Variants in DNAJB11 observed in about 807,000 individuals in gnomAD.
DNAJB11 encodes the protein DnaJ heat shock protein family (Hsp40) member B11, also known as dnaJ homolog subfamily B member 11.
DNAJB11 carries 30 observed loss-of-function variants against 47.2 expected under a neutral mutation model. The observed-to-expected ratio is 0.64, with a 90% confidence interval of 0.48 to 0.86. The LOEUF (loss-of-function observed/expected upper bound fraction) is 0.86, where lower values mean the gene tolerates loss of function less well. Among genes scored for constraint, DNAJB11 ranks in the 40% least tolerant of loss-of-function variants. DNAJB11 has a pLI of 0.00. For missense variants in DNAJB11, 357 were observed against 440.2 expected, an observed-to-expected ratio of 0.81 and a Z score of 1.69; for synonymous variants, 151 against 159.9, an observed-to-expected ratio of 0.94 and a Z score of 0.42.
At position 186,572,149 on chromosome 3, in the gene DNAJB11, T is replaced by C. The variant is rs1399189727; in HGVS notation, c.123T>C (p.Ile41=). 3 of 1,612,874 alleles carry C rather than the reference T, an allele frequency of 1.9e-6. No individual in the cohort carries two copies. Among genetic ancestry groups the C allele is most frequent in the Non-Finnish European group, 2.5e-6 (3 of 1,179,546 alleles). ...GVPRSASIKD[I]KKAYRKLALQ... The stretch of plus-strand genomic sequence containing the variant: ...CTCGAAGTGCCTCTATAAAGGATAT[T>C]AAAAAGGCCTATAGGAAACTAGCCC... The change falls in exon 2 of 10, where the codon ATT becomes ATC. Residue 41 remains isoleucine, a synonymous_variant. Transcript: ENST00000265028.
intron 1 of DNAJB11, 108 bp downstream of exon 1, chr3:186,571,073 C>G: frequency 9.6e-7 from 1 of 1,041,696 alleles, no homozygotes; most frequent in South Asian, 1.5e-5. Context: ...TGGAGAGGGG[C>G]ATCGCTGTGG....
chr3:186,582,235 C>G (rs1307060692), intron 6 of DNAJB11, among the ~76,000 whole-genome samples, 158 bp downstream of exon 6: 1 of 152,112 alleles, frequency 6.6e-6, no homozygotes, highest in African/African-American at 2.4e-5. Flanking sequence ...ATATACAAAG[C>G]CTTTTGTTTA....
chr3:186,575,896 A>C lies in DNAJB11; in HGVS notation c.282A>C (p.Leu94Phe). 4 of 1,614,060 alleles carry C rather than the reference A, an allele frequency of 2.5e-6. No individual in the cohort carries two copies. Among genetic ancestry groups the C allele is most frequent in the Non-Finnish European group, 3.4e-6 (4 of 1,179,952 alleles). ...ACGATACTTATGGTGAAGAAGGATTAAAAGATGGTCATCAGAGCTCCCATG... is the reference window on the plus strand; with the variant it reads ...ACGATACTTATGGTGAAGAAGGATTCAAAGATGGTCATCAGAGCTCCCATG... ...KQYDTYGEEGLKDGHQSSHGD... is the reference protein window; with the variant it reads ...KQYDTYGEEGFKDGHQSSHGD... Residue 94 changes from leucine to phenylalanine, a missense_variant, in exon 3 of 10, where the codon TTA (leucine) becomes TTC (phenylalanine). Physicochemically the swap from Leu to Phe is conservative, Grantham distance 22. Coordinates refer to ENST00000265028, the MANE Select transcript of DNAJB11 (RefSeq NM_016306.6).
At position 186,577,731 on chromosome 3, in the gene DNAJB11, A is replaced by G. The variant is rs202042298; in HGVS notation, c.387A>G (p.Pro129=). The G allele has an allele frequency of 4.3e-6, 7 of 1,609,724 alleles. No individual in the cohort carries two copies. ...CTCGTCAGCAAGACAGAAATATTCCAAGAGGAAGTGATATTATTGTAGATC... is the reference window on the plus strand; with the variant it reads ...CTCGTCAGCAAGACAGAAATATTCCGAGAGGAAGTGATATTATTGTAGATC... ...GTPRQQDRNI[P]RGSDIIVDLE... Residue 129 remains proline (P), a synonymous_variant, in exon 4 of 10, where the codon CCA becomes CCG. Coordinates refer to ENST00000265028, the MANE Select transcript of DNAJB11 (RefSeq NM_016306.6).
At chr3:186,582,855 T>C (rs1715532984) in intron 7 of DNAJB11, 82 bp downstream of exon 7, 1 of 995,754 alleles carries the variant, frequency 1.0e-6, no homozygotes, top group African/African-American at 1.6e-5. Context: ...TTAGACTTTT[T>C]TCTCTGTTTC....
chr3:186,571,022 T>TGGGTGGGGGGG, intron 1 of DNAJB11, 57 bp downstream of exon 1: 2 of 208,312 alleles, frequency 9.6e-6, no homozygotes, highest in Non-Finnish European at 1.9e-5. Context: ...TGCTGGGGGG[T>TGGGTGGGGGGG]GGGAGGGGGT....
At chr3:186,584,103 G>C (rs1212600788) in intron 8 of DNAJB11, 127 bp downstream of exon 8, 2 of 716,874 alleles carry the variant, frequency 2.8e-6, no homozygotes, top group Admixed American at 4.6e-5. Flanking sequence ...TCTGCCGTCT[G>C]TACTTACTCT....
rs777395267 is a variant in DNAJB11, at chr3:186,585,620, C to T, written c.*212C>T. 1.4e-5 allele frequency: 5 copies of T among 357,564 alleles called. No homozygotes were observed. The highest frequency in any genetic ancestry group is 2.1e-5 in the African/African-American group (1 of 46,576). The allele number at this position is 357,564 out of a possible 1,614,324, so 22.1% of individuals were successfully genotyped here. A position where few individuals can be genotyped will look rare whatever the true frequency, so the allele number is the denominator to read the frequency against. On this transcript the variant is annotated 3_prime_UTR_variant, in exon 10 of 10. Coordinates refer to ENST00000265028, the MANE Select transcript of DNAJB11 (RefSeq NM_016306.6). ...TGACCAGCAAAAGGTTTACTAATAC[C>T]TCTCCCTTTGGGGATTTAATGTCTG...
chr3:186,575,874 A>G lies in DNAJB11; in HGVS notation c.260A>G (p.Asp87Gly). 1 of 1,614,034 alleles carries G rather than the reference A, an allele frequency of 6.2e-7. No individual in the cohort carries two copies. Among genetic ancestry groups the G allele is most frequent in the Non-Finnish European group, 8.5e-7 (1 of 1,179,938 alleles). ...GATAGTGAGAAACGGAAACAGTACG[A>G]TACTTATGGTGAAGAAGGATTAAAA... ...LSDSEKRKQY[D>G]TYGEEGLKDG... Residue 87 changes from aspartate (D) to glycine (G), a missense_variant, in exon 3 of 10, where the codon GAT becomes GGT. Asp to Gly is a moderately conservative substitution (Grantham distance 94, BLOSUM62 -1). Coordinates refer to ENST00000265028, the MANE Select transcript of DNAJB11 (RefSeq NM_016306.6).
chr3:186,573,724 T>G (rs1715169212), intron 2 of DNAJB11, among the ~76,000 whole-genome samples: 1 of 152,184 alleles, frequency 6.6e-6, no homozygotes, highest in Non-Finnish European at 1.5e-5. Flanking sequence ...ATCAATAAAC[T>G]TGGGAAGGTT....
Position 186,581,998 on chromosome 3 carries a change from A to G in DNAJB11, c.603A>G (p.Leu201=), listed in dbSNP as rs1294774796. The G allele has an allele frequency of 1.9e-6, 3 of 1,612,290 alleles. No individual in the cohort carries two copies. Among genetic ancestry groups the G allele is most frequent in the East Asian group, 4.5e-5 (2 of 44,844 alleles). The stretch of plus-strand genomic sequence containing the variant: ...CTTTTAATTCTCTTTACCTCAGACT[A>G]GTGAATGAAGAACGAACGCTGGAAG... The part of the protein sequence containing the change: ...VVCDECPNVK[L]VNEERTLEVE... Residue 201 remains leucine, a synonymous_variant, in exon 6 of 10, where the codon CTA becomes CTG. Transcript: ENST00000265028.
At chr3:186,574,761 T>A (rs1286157352) in intron 2 of DNAJB11, among the ~76,000 whole-genome samples, 1 of 152,202 alleles carries the variant, frequency 6.6e-6, no homozygotes, top group Non-Finnish European at 1.5e-5. Flanking sequence ...ATGTGTCCTG[T>A]GTGAATATGC....
chr3:186,584,007 C>T (rs1340166942), intron 8 of DNAJB11, 31 bp downstream of exon 8: 1 of 1,476,544 alleles, frequency 6.8e-7, no homozygotes, highest in Non-Finnish European at 9.5e-7. Context: ...GTTCTGCATC[C>T]TTTTGAAGCC....
rs559735227 is a variant in DNAJB11, at chr3:186,580,083, T to G, written c.457-1288T>G. 2.0e-5 allele frequency: 3 copies of G among 152,252 alleles called. No homozygotes were observed. In the East Asian group the frequency reaches 5.8e-4, roughly 29 times the overall value. The allele number at this position is 152,252 out of a possible 1,614,324, so 9.4% of individuals were successfully genotyped here. A position where few individuals can be genotyped will look rare whatever the true frequency, so the allele number is the denominator to read the frequency against. On this transcript the variant is annotated intron_variant, in intron 4 of 9. Transcript: ENST00000265028. ...TAAAAATATTCATAAACCAGTGAGGTTGTTTAGATGGGAGGAAAGAGGTGA... is the reference window on the plus strand; with the variant it reads ...TAAAAATATTCATAAACCAGTGAGGGTGTTTAGATGGGAGGAAAGAGGTGA...
intron 3 of DNAJB11, 38 bp from the exon 4 acceptor site, chr3:186,577,628 ATT>A (rs11386781): frequency 2.4e-3 from 3,040 of 1,288,594 alleles, no homozygotes; most frequent in South Asian, 7.7e-3. Flanking sequence ...TAGAGTCTTG[ATT>A]TTTTTTTTTT....
intron 2 of DNAJB11, among the ~76,000 whole-genome samples, chr3:186,574,512 T>C (rs1030794070): frequency 6.6e-6 from 1 of 152,072 alleles, no homozygotes; most frequent in Admixed American, 6.5e-5. Context: ...CCATTTCTGC[T>C]TCCCCAAAGT....
In DNAJB11 at chr3:186,572,188, C is replaced by T. The variant is rs778841176; in HGVS notation, c.162C>T (p.Pro54=). Residue 54 remains proline, a synonymous_variant, in exon 2 of 10, where the codon CCC becomes CCT. Coordinates refer to ENST00000265028, the MANE Select transcript of DNAJB11 (RefSeq NM_016306.6). ...GGAAACTAGCCCTGCAGCTTCATCC[C>T]GACCGGAACCCTGATGATCCACAAG... ...AYRKLALQLH[P]DRNPDDPQAQ... is the part of the protein sequence containing the mutation. 16 of 1,613,768 alleles carry T rather than the reference C, an allele frequency of 9.9e-6. No individual in the cohort carries two copies. The highest frequency in any genetic ancestry group is 2.2e-5 in the South Asian group (2 of 91,050).
In DNAJB11 at chr3:186,577,810, A is replaced by G. The variant is rs2108480093; in HGVS notation, c.456+10A>G. The G allele has an allele frequency of 6.3e-7, 1 of 1,599,660 alleles. No homozygotes were observed. The highest frequency in any genetic ancestry group is 8.5e-7 in the Non-Finnish European group (1 of 1,174,942). ...AGGAAATTTTGTGGAAGTAAGTTCAAACAATATAGCTGTTCATATTGACTC... is the reference window on the plus strand; with the variant it reads ...AGGAAATTTTGTGGAAGTAAGTTCAGACAATATAGCTGTTCATATTGACTC... On this transcript the variant is annotated intron_variant, in intron 4 of 9. Coordinates refer to ENST00000265028, the MANE Select transcript of DNAJB11 (RefSeq NM_016306.6).
At chr3:186,571,037 G>GGGGGGGGGGGGGGGGGC in intron 1 of DNAJB11, 72 bp downstream of exon 1, 2 of 940,412 alleles carry the variant, frequency 2.1e-6, no homozygotes, top group East Asian at 3.4e-5. Context: ...GGGGGTGGGG[G>GGGGGGGGGGGGGGGGGC]AAGTGGCATT....
Sources: allele counts gnomAD v4.1 joint callset (sites outside exome capture counted in the v4.1 genomes callset), GRCh38; gene constraint gnomAD v4.1.1; transcripts MANE v1.5; gene names NCBI Gene and HGNC (gene_info 2026-07-23, HGNC 2026-07-21).